Variants in MAMDC2 observed in about 807,000 individuals in gnomAD.
MAMDC2 encodes MAM domain-containing protein 2.
MAMDC2 carries 57 observed loss-of-function variants against 89.8 expected under a neutral mutation model. The ratio of observed to expected loss-of-function variants is 0.63; its 90% CI spans 0.51 to 0.79. MAMDC2 has a LOEUF of 0.79. MAMDC2 is among the 30% of genes least tolerant of loss of function. The pLI, the probability that MAMDC2 is intolerant of heterozygous loss-of-function variation, is 0.00. For synonymous variants in MAMDC2, 313 were observed against 293.4 expected (o/e 1.07, Z -0.68); for missense variants, 800 against 820.6 (o/e 0.97, Z 0.31).
chr9:70,132,686 T>A (rs1014148260), intron 7 of MAMDC2, among the ~76,000 whole-genome samples: 5 of 151,880 alleles, frequency 3.3e-5, no homozygotes, highest in African/African-American at 9.7e-5. Context: ...ACTGGCTAGT[T>A]TTTTTGGTTT....
intron 2 of MAMDC2, chr9:70,093,946 CTTGGTT>C (rs1827967245): frequency 6.6e-6 from 1 of 152,208 alleles, no homozygotes; most frequent in South Asian, 2.1e-4. Flanking sequence ...GGGTTCATCA[CTTGGTT>C]TTCTGTTGCT....
chr9:70,194,068 G>A (rs2032933217), intron 11 of MAMDC2: 1 of 152,064 alleles, frequency 6.6e-6, no homozygotes, highest in African/African-American at 2.4e-5. Context: ...GCAATTCCAA[G>A]GGAGCTATAG....
At chr9:70,146,222 AG>A (rs1410973962) in intron 9 of MAMDC2, among the ~76,000 whole-genome samples, 6 of 152,106 alleles carry the variant, frequency 3.9e-5, no homozygotes, top group African/African-American at 1.4e-4. Context: ...TCTTCTTTGG[AG>A]GCCAACTACC....
chr9:70,138,215 T>C (rs1587505171), intron 7 of MAMDC2, among the ~76,000 whole-genome samples: 1 of 152,154 alleles, frequency 6.6e-6, no homozygotes. Context: ...ATTCCAACCA[T>C]GTTGCTGCAA....
At chr9:70,186,010 A>G (rs1008293065) in intron 11 of MAMDC2, among the ~76,000 whole-genome samples, 3 of 152,130 alleles carry the variant, frequency 2.0e-5, no homozygotes, top group African/African-American at 7.2e-5. Flanking sequence ...ATCTTGCCAG[A>G]TTTCAATATA....
In MAMDC2 at chr9:70,126,290, A is replaced by G. The variant is rs755000859; in HGVS notation, c.775A>G (p.Asn259Asp). 3.7e-6 allele frequency: 6 copies of G among 1,614,112 alleles called. No homozygotes were observed. Among genetic ancestry groups the G allele is most frequent in the Non-Finnish European group, 5.1e-6 (6 of 1,180,016 alleles). ...FYYQIQQGND[N>D]VFSLYTRDVA... ...TTACCAGATCCAGCAGGGGAATGACAATGTCTTTTCCCTTTACACTCGGGA... is the reference window on the plus strand; with the variant it reads ...TTACCAGATCCAGCAGGGGAATGACGATGTCTTTTCCCTTTACACTCGGGA... Residue 259 changes from asparagine to aspartate, a missense_variant, in exon 6 of 14, where the codon AAT becomes GAT. Asn to Asp is a conservative substitution (Grantham distance 23). Transcript: ENST00000377182.
At chr9:70,089,241 T>TG (rs761483111) in intron 2 of MAMDC2, 7 of 152,156 alleles carry the variant, frequency 4.6e-5, no homozygotes, top group Non-Finnish European at 1.0e-4. Context: ...CCTGGGCACT[T>TG]GTTCTCTAGA....
In MAMDC2 at chr9:70,139,807, G is replaced by A. The variant is rs183820260; in HGVS notation, c.995-338G>A. Among the ~76,000 whole-genome samples the A allele has an allele frequency of 4.0e-3, 605 of 152,168 alleles. 4 individuals are homozygous for A. Among genetic ancestry groups the A allele is most frequent in the African/African-American group, 0.014 (575 of 41,524 alleles). On this transcript the variant is annotated intron_variant, in intron 7 of 13. Coordinates refer to ENST00000377182, the MANE Select transcript of MAMDC2 (RefSeq NM_153267.5). ...GTTGTTTCCTGACTTTTTAATGATCGCCATTCTAACTGGTGTGAGATGGTA... is the reference window on the plus strand; with the variant it reads ...GTTGTTTCCTGACTTTTTAATGATCACCATTCTAACTGGTGTGAGATGGTA...
At chr9:70,080,905 G>A (rs188148807) in intron 2 of MAMDC2, among the ~76,000 whole-genome samples, 5 of 152,216 alleles carry the variant, frequency 3.3e-5, no homozygotes, top group Admixed American at 1.3e-4. Flanking sequence ...TTACTGGTCC[G>A]GTTAGGTGCC....
intron 7 of MAMDC2, among the ~76,000 whole-genome samples, chr9:70,135,076 C>G (rs1000399676): frequency 5.3e-5 from 8 of 152,190 alleles, no homozygotes; most frequent in Non-Finnish European, 1.2e-4. Context: ...AACACACTCC[C>G]GCTAATTAGA....
Position 70,125,655 on chromosome 9 carries a change from A to G in MAMDC2, c.644-504A>G, listed in dbSNP as rs1321055000. ...GAATTCAAAATCTTAGTTTCACTCAAAAAACACATGGTGACATCTTGCATT... is the reference window on the plus strand; with the variant it reads ...GAATTCAAAATCTTAGTTTCACTCAGAAAACACATGGTGACATCTTGCATT... On this transcript the variant is annotated intron_variant, in intron 5 of 13. Coordinates refer to ENST00000377182, the MANE Select transcript of MAMDC2 (RefSeq NM_153267.5). 2.0e-5 allele frequency among the ~76,000 whole-genome samples: 3 copies of G among 152,218 alleles called. No individual in the cohort carries two copies. In the East Asian group the frequency reaches 5.8e-4, roughly 29 times the overall value.
chr9:70,097,508 T>C (rs1370971630), intron 2 of MAMDC2, among the ~76,000 whole-genome samples: 3 of 152,194 alleles, frequency 2.0e-5, no homozygotes, highest in Non-Finnish European at 2.9e-5. Flanking sequence ...CGTGGTAATT[T>C]TGTGCTGCTC....
At chr9:70,206,944 A>C (rs1344287446) in intron 11 of MAMDC2, among the ~76,000 whole-genome samples, 3 of 152,042 alleles carry the variant, frequency 2.0e-5, no homozygotes, top group Non-Finnish European at 1.5e-5. Context: ...CCATGTCCCT[A>C]CAAAGGACAA....
intron 13 of MAMDC2, 29 bp downstream of exon 13, chr9:70,225,863 T>G: frequency 3.2e-6 from 5 of 1,547,646 alleles, no homozygotes; most frequent in Non-Finnish European, 4.5e-6. Flanking sequence ...CATATAAGCT[T>G]GACTGAAAAT....
intron 2 of MAMDC2, chr9:70,088,398 G>A (rs948780974): frequency 6.6e-6 from 1 of 152,092 alleles, no homozygotes; most frequent in Non-Finnish European, 1.5e-5. Context: ...GCTGCTAGAA[G>A]CATGGGCATA....
intron 5 of MAMDC2, among the ~76,000 whole-genome samples, chr9:70,114,545 A>T (rs962183404): frequency 6.6e-6 from 1 of 152,160 alleles, no homozygotes; most frequent in Admixed American, 6.5e-5. Context: ...AGTTTCTTTT[A>T]CAATACATTC....
chr9:70,118,339 C>T (rs974237868), intron 5 of MAMDC2, among the ~76,000 whole-genome samples: 7 of 109,312 alleles, frequency 6.4e-5, no homozygotes, highest in Admixed American at 1.0e-4. Context: ...CACACACACA[C>T]ACACACACAG....
intron 11 of MAMDC2, among the ~76,000 whole-genome samples, chr9:70,204,975 C>T (rs893840575): frequency 6.6e-6 from 1 of 152,216 alleles, no homozygotes; most frequent in Non-Finnish European, 1.5e-5. Flanking sequence ...TAGTGAGATG[C>T]ACCCGGTACC....
intron 11 of MAMDC2, among the ~76,000 whole-genome samples, chr9:70,212,408 G>A (rs2033372736): frequency 6.6e-6 from 1 of 152,230 alleles, no homozygotes; most frequent in African/African-American, 2.4e-5. Flanking sequence ...AGGCTCTGTG[G>A]GTTTGGGACC....
Sources: allele counts gnomAD v4.1 joint callset (sites outside exome capture counted in the v4.1 genomes callset), GRCh38; gene constraint gnomAD v4.1.1; transcripts MANE v1.5; gene names NCBI Gene and HGNC (gene_info 2026-07-23, HGNC 2026-07-21).